Variants in CACNA2D3 observed in about 807,000 individuals in gnomAD.
CACNA2D3 encodes voltage-dependent calcium channel subunit alpha-2/delta-3.
CACNA2D3 carries 60 observed loss-of-function variants against 160.6 expected under a neutral mutation model. The observed-to-expected ratio is 0.37, with a 90% CI of 0.30 to 0.46. The LOEUF (loss-of-function observed/expected upper bound fraction) is 0.46, where lower values mean the gene tolerates loss of function less well. Ranked by LOEUF, CACNA2D3 falls within the 20% of genes least tolerant of loss-of-function variation. The pLI, the probability that CACNA2D3 is intolerant of heterozygous loss-of-function variation, is 1.00. For missense variants in CACNA2D3, 1,205 were observed against 1,365.0 expected (o/e 0.88, Z 1.85); for synonymous variants, 558 against 492.9 (o/e 1.13, Z -1.75).
intron 4 of CACNA2D3, among the ~76,000 whole-genome samples, chr3:54,460,956 A>G (rs1394163752): frequency 6.6e-6 from 1 of 152,098 alleles, no homozygotes; most frequent in African/African-American, 2.4e-5. Flanking sequence ...TCCCATCAGT[A>G]CCTAATTTCT....
intron 35 of CACNA2D3, among the ~76,000 whole-genome samples, chr3:55,025,019 C>G (rs1703535853): frequency 6.6e-6 from 1 of 152,150 alleles, no homozygotes; most frequent in Non-Finnish European, 1.5e-5. Context: ...ACTACAAACT[C>G]TATGAGGCGG....
At chr3:54,880,979 A>T (rs1019470172) in intron 21 of CACNA2D3, 116 bp downstream of exon 21, 3 of 818,648 alleles carry the variant, frequency 3.7e-6, no homozygotes, top group Admixed American at 1.8e-5. Context: ...AGTCCCTTGG[A>T]CATTCCACTC....
chr3:55,024,545 C>T (rs550578825), intron 35 of CACNA2D3, among the ~76,000 whole-genome samples: 1 of 152,180 alleles, frequency 6.6e-6, no homozygotes, highest in African/African-American at 2.4e-5. Flanking sequence ...GTTTGACCTT[C>T]CATCATGTAA....
At chr3:55,027,780 G>A (rs547224979) in intron 35 of CACNA2D3, among the ~76,000 whole-genome samples, 3 of 152,164 alleles carry the variant, frequency 2.0e-5, no homozygotes, top group East Asian at 3.9e-4. Context: ...AAAACATCTC[G>A]CCTTCCGCAA....
At chr3:54,812,682 G>T (rs1391393822) in intron 13 of CACNA2D3, among the ~76,000 whole-genome samples, 1 of 152,154 alleles carries the variant, frequency 6.6e-6, no homozygotes, top group Non-Finnish European at 1.5e-5. Flanking sequence ...CAAGTCCTTT[G>T]GGGGTGTAGG....
chr3:54,319,072 G>A (rs1439065696), intron 2 of CACNA2D3, among the ~76,000 whole-genome samples: 1 of 151,614 alleles, frequency 6.6e-6, no homozygotes, highest in Non-Finnish European at 1.5e-5. Context: ...TCCTCAAACA[G>A]TAATCTCATT....
chr3:54,739,926 A>G (rs897692710), intron 11 of CACNA2D3, among the ~76,000 whole-genome samples: 1 of 152,122 alleles, frequency 6.6e-6, no homozygotes, highest in African/African-American at 2.4e-5. Context: ...TCAAGAGCTT[A>G]CAACTTCCGC....
intron 13 of CACNA2D3, among the ~76,000 whole-genome samples, chr3:54,816,029 A>G (rs1703441323): frequency 6.6e-6 from 1 of 152,172 alleles, no homozygotes; most frequent in South Asian, 2.1e-4. Flanking sequence ...ATATAGACAA[A>G]TATGTCTCGT....
chr3:54,518,276 G>T (rs1208584986), intron 5 of CACNA2D3, among the ~76,000 whole-genome samples: 2 of 152,162 alleles, frequency 1.3e-5, no homozygotes, highest in Non-Finnish European at 2.9e-5. Context: ...AGTTCCGTAA[G>T]GCCTGATACC....
chr3:54,951,248 A>G (rs1225135928), intron 27 of CACNA2D3, among the ~76,000 whole-genome samples: 2 of 152,232 alleles, frequency 1.3e-5, no homozygotes, highest in Admixed American at 6.5e-5. Flanking sequence ...TGCAGTGGCC[A>G]CTATGTAGAC....
At chr3:54,674,685 C>T (rs1426050507) in intron 11 of CACNA2D3, among the ~76,000 whole-genome samples, 1 of 149,740 alleles carries the variant, frequency 6.7e-6, no homozygotes, top group African/African-American at 2.5e-5. Flanking sequence ...GCCTTGGAAT[C>T]TGAGGTGGGT....
At chr3:54,678,737 A>AAAAAAAAAAAAAAAAAAAAAAAAAAAAT (rs1700288854) in intron 11 of CACNA2D3, among the ~76,000 whole-genome samples, 1 of 149,436 alleles carries the variant, frequency 6.7e-6, no homozygotes. Flanking sequence ...AAAAAAAAAA[A>AAAAAAAAAAAAAAAAAAAAAAAAAAAAT]AAAAAAAAAA....
At chr3:54,443,239 G>A (rs748308048) in intron 4 of CACNA2D3, among the ~76,000 whole-genome samples, 16 of 152,046 alleles carry the variant, frequency 1.1e-4, no homozygotes, top group Non-Finnish European at 2.4e-4. Flanking sequence ...CAGCCTCTGG[G>A]GAATTCAGGC....
chr3:54,183,494 T>C (rs1022341197), intron 2 of CACNA2D3, among the ~76,000 whole-genome samples: 2 of 152,066 alleles, frequency 1.3e-5, no homozygotes, highest in African/African-American at 4.8e-5. Flanking sequence ...CGCGCCTTTT[T>C]CCTTTCTAAA....
chr3:54,789,626 A>G (rs1287883069), intron 13 of CACNA2D3, among the ~76,000 whole-genome samples: 1 of 152,168 alleles, frequency 6.6e-6, no homozygotes, highest in Non-Finnish European at 1.5e-5. Flanking sequence ...TCTCCTCTTA[A>G]TTGTGAACCC....
chr3:54,673,030 T>G (rs601383), intron 11 of CACNA2D3, among the ~76,000 whole-genome samples: 125,926 of 152,088 alleles, frequency 0.83, 53,978 homozygotes, highest in Non-Finnish European at 0.94. Flanking sequence ...TGACTGTGTT[T>G]TACAAGATTC....
intron 9 of CACNA2D3, among the ~76,000 whole-genome samples, chr3:54,613,216 A>G (rs191145345): frequency 6.6e-6 from 1 of 152,374 alleles, no homozygotes; most frequent in African/African-American, 2.4e-5. Context: ...TGCTTCAGAA[A>G]AATGACTTGG....
chr3:55,032,476 A>G (rs1187863895), intron 35 of CACNA2D3, among the ~76,000 whole-genome samples: 1 of 152,166 alleles, frequency 6.6e-6, no homozygotes, highest in Non-Finnish European at 1.5e-5. Flanking sequence ...CTCTCACAAC[A>G]CTTACCACAT....
chr3:54,289,491 T>TTA (rs1330668936), intron 2 of CACNA2D3, among the ~76,000 whole-genome samples: 1 of 151,608 alleles, frequency 6.6e-6, no homozygotes, highest in African/African-American at 2.4e-5. Context: ...CCCAAGGTAA[T>TTA]TTATAGATTC....
Sources: gnomAD v4.1 joint callset for allele counts (sites outside exome capture counted in the v4.1 genomes callset) on GRCh38, gnomAD v4.1.1 for gene constraint, MANE v1.5 for transcripts, NCBI Gene and HGNC (gene_info 2026-07-23, HGNC 2026-07-21) for gene names.